THSD7B: variants seen among roughly 807,000 people sequenced by gnomAD.
The protein encoded by THSD7B is thrombospondin type-1 domain-containing protein 7B.
Under a neutral mutation model 213.6 loss-of-function variants are expected in THSD7B, and 138 were observed. The observed-to-expected ratio is 0.65, with a 90% CI of 0.56 to 0.74. The LOEUF is 0.74. THSD7B is among the 30% of genes least tolerant of loss of function. The pLI is 0.00. For missense variants in THSD7B, 1,931 were observed against 1,991.5 expected, an observed-to-expected ratio of 0.97 and a Z score of 0.58; for synonymous variants, 742 against 687.0, an observed-to-expected ratio of 1.08 and a Z score of -1.25.
intron 14 of THSD7B, among the ~76,000 whole-genome samples, chr2:137,444,656 A>G (rs1204478724): frequency 6.6e-6 from 1 of 151,962 alleles, no homozygotes; most frequent in Non-Finnish European, 1.5e-5. Context: ...ACCTGAAACT[A>G]TAAAACTACT....
At chr2:137,620,489 C>T in intron 19 of THSD7B, 120 bp from the exon 20 acceptor site, 3 of 638,628 alleles carry the variant, frequency 4.7e-6, no homozygotes, top group South Asian at 2.2e-5. Context: ...GATATACTTC[C>T]CCACTGAAAT....
rs199860340 is a variant in THSD7B at position 137,170,727 on chromosome 2, C to G, written c.1526-14C>G. 4.9e-4 allele frequency: 783 copies of G among 1,598,954 alleles called. No homozygotes were observed. Among genetic ancestry groups the G allele is most frequent in the Non-Finnish European group, 6.5e-4 (762 of 1,171,364 alleles). ...AGTGGAATTCTCTGAAAATTCTTTTCTCTCTCTTTTTAGGATTTAGAACGA... is the reference window on the plus strand; with the variant it reads ...AGTGGAATTCTCTGAAAATTCTTTTGTCTCTCTTTTTAGGATTTAGAACGA... On this transcript the variant is annotated splice_polypyrimidine_tract_variant and intron_variant, in intron 6 of 27. Transcript: ENST00000409968.
At chr2:137,368,816 C>T (rs75275385) in intron 12 of THSD7B, among the ~76,000 whole-genome samples, 2,001 of 152,020 alleles carry the variant, frequency 0.013, 55 homozygotes, top group African/African-American at 0.047. Context: ...AAAATGTGTT[C>T]ATTATGTTAT....
intron 12 of THSD7B, among the ~76,000 whole-genome samples, chr2:137,378,151 A>G (rs1477869870): frequency 6.6e-6 from 1 of 152,216 alleles, no homozygotes; most frequent in Non-Finnish European, 1.5e-5. Flanking sequence ...AACAACAAAA[A>G]AAAGCCTGGT....
chr2:136,898,774 C>T (rs1005865013), intron 2 of THSD7B, among the ~76,000 whole-genome samples: 8 of 151,804 alleles, frequency 5.3e-5, no homozygotes, highest in Non-Finnish European at 1.2e-4. Context: ...TCCTGAGTAG[C>T]TGGGACCACA....
intron 12 of THSD7B, among the ~76,000 whole-genome samples, chr2:137,356,252 G>T (rs138241270): frequency 6.6e-6 from 1 of 152,050 alleles, no homozygotes; most frequent in Admixed American, 6.5e-5. Flanking sequence ...ACCTATGCCC[G>T]CTCAGGGCTA....
chr2:137,494,339 TA>T (rs985386015), intron 15 of THSD7B, among the ~76,000 whole-genome samples: 10 of 152,058 alleles, frequency 6.6e-5, no homozygotes, highest in East Asian at 1.9e-4. Context: ...CTATATCAAC[TA>T]AAAAAAATTC....
chr2:136,865,015 T>C (rs1683312300), intron 1 of THSD7B, among the ~76,000 whole-genome samples: 1 of 152,216 alleles, frequency 6.6e-6, no homozygotes, highest in Non-Finnish European at 1.5e-5. Context: ...ATGAATTCTT[T>C]TGTGCACAGT....
chr2:137,556,780 C>T (rs1014291730), intron 15 of THSD7B, among the ~76,000 whole-genome samples: 95 of 152,108 alleles, frequency 6.2e-4, no homozygotes, highest in Non-Finnish European at 3.8e-4. Context: ...CATCAGTGTG[C>T]TGTATTCAGG....
chr2:137,607,520 A>G lies in THSD7B; in HGVS notation c.3424-8655A>G, dbSNP rs182018050. 1.2e-3 allele frequency among the ~76,000 whole-genome samples: 185 copies of G among 152,282 alleles called. 5 individuals are homozygous for G. In the Middle Eastern group the frequency reaches 0.014, roughly 11 times the overall value. ...AATACTTATAACTAGTCTGTAGTCC[A>G]TATTTGTAGTTCTCATGGGTCGCAA... is the stretch of plus-strand genomic sequence containing the variant. On this transcript the variant is annotated intron_variant, in intron 17 of 27. Coordinates refer to ENST00000409968, the MANE Select transcript of THSD7B (RefSeq NM_001316349.2).
chr2:136,952,571 G>T (rs918001752), intron 2 of THSD7B, among the ~76,000 whole-genome samples: 1 of 151,560 alleles, frequency 6.6e-6, no homozygotes, highest in Admixed American at 6.6e-5. Context: ...AGTTATTACA[G>T]TAAATCATCT....
Position 137,056,812 on chromosome 2 carries a change from C to T in THSD7B, c.532C>T (p.Arg178Trp), listed in dbSNP as rs1475688783. 2 of 1,613,898 alleles carry T rather than the reference C, an allele frequency of 1.2e-6. No homozygotes were observed. Among genetic ancestry groups the T allele is most frequent in the South Asian group, 1.1e-5 (1 of 91,074 alleles). The change falls in exon 3 of 28, where the codon CGG becomes TGG. Residue 178 changes from arginine (R) to tryptophan (W), a missense_variant. Transcript: ENST00000409968. Reference protein sequence around the residue: ...TEQACLIPCPRDCVVSEFLPW... With the variant: ...TEQACLIPCPWDCVVSEFLPW... ...ACAGGCTTGCCTCATTCCTTGTCCC[C>T]GGGATTGTGTAGTATCTGAGTTCTT... is the stretch of plus-strand genomic sequence containing the variant.
chr2:137,393,810 T>C (rs1304847742), intron 12 of THSD7B, among the ~76,000 whole-genome samples: 1 of 141,630 alleles, frequency 7.1e-6, no homozygotes, highest in Non-Finnish European at 1.6e-5. Context: ...CTCCACATCC[T>C]CTCCAGCACC....
intron 16 of THSD7B, among the ~76,000 whole-genome samples, chr2:137,570,275 G>C (rs1193340744): frequency 6.6e-6 from 1 of 151,050 alleles, no homozygotes; most frequent in Non-Finnish European, 1.5e-5. Flanking sequence ...TGCTCCTGGA[G>C]TTTTCTTTTA....
At chr2:136,890,350 T>C (rs867269855) in intron 2 of THSD7B, among the ~76,000 whole-genome samples, 3 of 5,086 alleles carry the variant, frequency 5.9e-4, no homozygotes, top group African/African-American at 1.6e-3. Flanking sequence ...CTTCTTCTTC[T>C]TCTTCTTCTT....
chr2:137,289,020 A>G (rs1031500245), intron 12 of THSD7B, among the ~76,000 whole-genome samples: 4 of 151,062 alleles, frequency 2.6e-5, no homozygotes, highest in Non-Finnish European at 5.9e-5. Flanking sequence ...CAATATTCTT[A>G]TCTATGAAGT....
chr2:137,025,733 C>T (rs148835806), intron 2 of THSD7B, among the ~76,000 whole-genome samples: 3 of 152,208 alleles, frequency 2.0e-5, no homozygotes, highest in African/African-American at 7.2e-5. Flanking sequence ...CATATCACTT[C>T]TGTTCAGATT....
At chr2:137,457,964 C>T (rs542413825) in intron 15 of THSD7B, among the ~76,000 whole-genome samples, 1 of 152,202 alleles carries the variant, frequency 6.6e-6, no homozygotes, top group South Asian at 2.1e-4. Flanking sequence ...GGAATTTAAC[C>T]ATGTCAATGC....
chr2:137,114,593 T>G (rs1043690070), intron 4 of THSD7B, among the ~76,000 whole-genome samples: 4 of 152,238 alleles, frequency 2.6e-5, no homozygotes, highest in African/African-American at 9.6e-5. Flanking sequence ...ACATATACTT[T>G]TATGTGAATG....
Sources: gnomAD v4.1 joint callset for allele counts (sites outside exome capture counted in the v4.1 genomes callset) on GRCh38, gnomAD v4.1.1 for gene constraint, MANE v1.5 for transcripts, NCBI Gene and HGNC (gene_info 2026-07-23, HGNC 2026-07-21) for gene names.